Variants in CHAT observed in about 807,000 individuals in gnomAD.
CHAT encodes acetyl CoA:choline O-acetyltransferase.
In CHAT, 61 loss-of-function variants were observed where a neutral mutation model predicts 76.9. The ratio of observed to expected loss-of-function variants is 0.79; its 90% CI spans 0.65 to 0.98. CHAT has a LOEUF of 0.98. Among genes scored for constraint, CHAT ranks in the 50% least tolerant of loss-of-function variants. CHAT has a pLI of 0.00. For synonymous variants in CHAT, 407 were observed against 397.4 expected, an observed-to-expected ratio of 1.02 and a Z score of -0.29; for missense variants, 946 against 986.9, an observed-to-expected ratio of 0.96 and a Z score of 0.56.
At chr10:49,625,182 C>T (rs576974980) in intron 5 of CHAT, among the ~76,000 whole-genome samples, 5 of 152,148 alleles carry the variant, frequency 3.3e-5, no homozygotes, top group South Asian at 4.2e-4. Context: ...AAAGGCACGC[C>T]GAGAGAAGAT....
upstream of CHAT, chr10:49,611,220 C>G: frequency 6.2e-7 from 1 of 1,613,992 alleles, no homozygotes; most frequent in African/African-American, 1.3e-5. Flanking sequence ...TCGGCCTGGG[C>G]GTCATGTTCG....
chr10:49,612,177 T>G, upstream of CHAT: 1 of 1,610,216 alleles, frequency 6.2e-7, no homozygotes, highest in Non-Finnish European at 8.5e-7. Context: ...CGCGCTCCCG[T>G]TCCGAGCGCG....
At chr10:49,655,820 A>T (rs997110705) in intron 13 of CHAT, among the ~76,000 whole-genome samples, 1 of 152,214 alleles carries the variant, frequency 6.6e-6, no homozygotes, top group Non-Finnish European at 1.5e-5. Flanking sequence ...CCCCAATCTC[A>T]GGCAAAACAG....
intron 12 of CHAT, 72 bp downstream of exon 12, chr10:49,655,308 C>G: frequency 1.9e-6 from 3 of 1,613,106 alleles, no homozygotes; most frequent in East Asian, 2.2e-5. Context: ...TTGCAGTGGG[C>G]TCGGCCCTCT....
rs185881874 is a variant in CHAT, at chr10:49,626,161, C to T, written c.933+508C>T. 1.7e-3 allele frequency among the ~76,000 whole-genome samples: 254 copies of T among 152,186 alleles called. 1 individual carries two copies. The highest frequency in any genetic ancestry group is 6.0e-3 in the African/African-American group (249 of 41,518). On this transcript the variant is annotated intron_variant, in intron 6 of 14. Coordinates refer to ENST00000337653, the MANE Select transcript of CHAT (RefSeq NM_020549.5). ...ACTCAGACAAGTTAAGTGGTCTGTC[C>T]AAGAGTGGGAAGGAATCCTGGGTCT...
chr10:49,610,839 C>A, upstream of CHAT: 1 of 1,610,894 alleles, frequency 6.2e-7, no homozygotes, highest in East Asian at 2.2e-5. Flanking sequence ...GGCAGAGGCG[C>A]CTGGTGCTTG....
chr10:49,611,957 C>T (rs773286296), upstream of CHAT: 1 of 1,612,950 alleles, frequency 6.2e-7, no homozygotes, highest in South Asian at 1.1e-5. Context: ...CCCACGCTCG[C>T]CTTCCTGGTG....
chr10:49,611,266 G>A (rs1838286844), upstream of CHAT: 1 of 1,612,274 alleles, frequency 6.2e-7, no homozygotes, highest in Non-Finnish European at 8.5e-7. Context: ...CGAGGACTAC[G>A]CCACGCTGTT....
At chr10:49,652,113 C>G in intron 11 of CHAT, 107 bp downstream of exon 11, 1 of 1,451,764 alleles carries the variant, frequency 6.9e-7, no homozygotes, top group Admixed American at 1.8e-5. Context: ...TTCTGTGGGC[C>G]TGGAAGACTG....
At position 49,634,701 on chromosome 10, in the gene CHAT, G is replaced by T. The variant is rs960376405; in HGVS notation, c.1111+6916G>T. Among the ~76,000 whole-genome samples, 8 of 151,966 alleles carry T rather than the reference G, an allele frequency of 5.3e-5. No individual in the cohort carries two copies. The East Asian group carries it at 7.7e-4, about 15-fold the overall frequency. On this transcript the variant is annotated intron_variant, in intron 7 of 14. Coordinates refer to ENST00000337653, the MANE Select transcript of CHAT (RefSeq NM_020549.5). ...TGGGGTACAAGATAGCTAGGAGGTG[G>T]TTTTTTTTGTTTTGTTTTTGTTTTT...
At chr10:49,626,027 T>C (rs896286611) in intron 6 of CHAT, among the ~76,000 whole-genome samples, 4 of 152,226 alleles carry the variant, frequency 2.6e-5, no homozygotes, top group African/African-American at 7.2e-5. Flanking sequence ...GGACCTTTCA[T>C]GTGTCAGCCT....
At chr10:49,664,694 T>C in intron 14 of CHAT, 83 bp from the exon 15 acceptor site, 1 of 1,547,584 alleles carries the variant, frequency 6.5e-7, no homozygotes, top group Non-Finnish European at 8.9e-7. Flanking sequence ...AACCCCCAGG[T>C]GGAAAACAGA....
At chr10:49,642,148 C>A (rs986189936) in intron 7 of CHAT, among the ~76,000 whole-genome samples, 1 of 152,186 alleles carries the variant, frequency 6.6e-6, no homozygotes, top group Middle Eastern at 3.2e-3. Context: ...TGATTCGCCA[C>A]TTTAAAGGAG....
intron 5 of CHAT, among the ~76,000 whole-genome samples, chr10:49,624,553 G>C (rs902271642): frequency 1.3e-5 from 2 of 152,216 alleles, no homozygotes; most frequent in African/African-American, 4.8e-5. Context: ...CTGGTTTGCT[G>C]CTTGTGGTCT....
intron 7 of CHAT, among the ~76,000 whole-genome samples, chr10:49,641,710 C>T (rs1839487165): frequency 6.6e-6 from 1 of 152,110 alleles, no homozygotes; most frequent in East Asian, 1.9e-4. Flanking sequence ...GTCTAAGCCC[C>T]TGAGAAAGAT....
intron 7 of CHAT, among the ~76,000 whole-genome samples, chr10:49,642,053 C>T (rs1446283402): frequency 6.6e-6 from 1 of 152,178 alleles, no homozygotes; most frequent in Non-Finnish European, 1.5e-5. Flanking sequence ...TGTCAGCTCC[C>T]TCCTTGGGCA....
upstream of CHAT, chr10:49,611,316 C>G: frequency 6.2e-7 from 1 of 1,605,562 alleles, no homozygotes; most frequent in Non-Finnish European, 8.5e-7. Flanking sequence ...CAGCCTTCGC[C>G]GACACGTCTG....
chr10:49,643,687 G>A (rs1365888532), intron 7 of CHAT, among the ~76,000 whole-genome samples: 1 of 152,190 alleles, frequency 6.6e-6, no homozygotes, highest in East Asian at 1.9e-4. Flanking sequence ...AAAGTAGTTG[G>A]GTTTTGCCCT....
chr10:49,646,542 C>T lies in CHAT; in HGVS notation c.1149C>T (p.Arg383=), dbSNP rs898211203. The T allele has an allele frequency of 6.2e-7, 1 of 1,614,234 alleles. No individual in the cohort carries two copies. The highest frequency in any genetic ancestry group is 1.1e-5 in the South Asian group (1 of 91,090). The change falls in exon 8 of 15, where the codon CGC becomes CGT. Residue 383 remains arginine (R), a synonymous_variant. Transcript: ENST00000337653. The part of the protein sequence containing the change: ...TNRDSLDMIE[R]CICLVCLDAP... ...GGGACTCGCTGGACATGATTGAGCGCTGCATCTGCCTTGTATGCCTGGACG... is the reference window on the plus strand; with the variant it reads ...GGGACTCGCTGGACATGATTGAGCGTTGCATCTGCCTTGTATGCCTGGACG...
Sources: gnomAD v4.1 joint callset for allele counts (sites outside exome capture counted in the v4.1 genomes callset) on GRCh38, gnomAD v4.1.1 for gene constraint, MANE v1.5 for transcripts, NCBI Gene and HGNC (gene_info 2026-07-23, HGNC 2026-07-21) for gene names.